The following FAM227B variants were observed in gnomAD, a reference collection of about 807,000 sequenced individuals.
FAM227B encodes protein FAM227B.
A neutral mutation model predicts 73.8 loss-of-function variants in FAM227B; 88 were observed. That is an observed-to-expected ratio of 1.19 (90% CI 1.00 to 1.42). The LOEUF (loss-of-function observed/expected upper bound fraction) is 1.42. Ranked by LOEUF, FAM227B falls within the 40% of genes most tolerant of loss-of-function variation. The pLI, the probability that FAM227B is intolerant of heterozygous loss-of-function variation, is 0.00. For synonymous variants in FAM227B, 210 were observed against 190.5 expected, an observed-to-expected ratio of 1.10 and a Z score of -0.84; for missense variants, 632 against 590.9, an observed-to-expected ratio of 1.07 and a Z score of -0.72.
intron 11 of FAM227B, among the ~76,000 whole-genome samples, chr15:49,477,895 G>A (rs1188682267): frequency 6.6e-6 from 1 of 152,114 alleles, no homozygotes; most frequent in Non-Finnish European, 1.5e-5. Context: ...GTATCTCATT[G>A]TTGTTTTAAT....
intron 11 of FAM227B, among the ~76,000 whole-genome samples, chr15:49,464,195 G>T (rs2054063168): frequency 6.6e-6 from 1 of 152,106 alleles, no homozygotes; most frequent in South Asian, 2.1e-4. Flanking sequence ...AATCTCCACA[G>T]AGTATGTGTA....
At chr15:49,570,860 TTAAA>T (rs2075046096) in intron 8 of FAM227B, among the ~76,000 whole-genome samples, 2 of 147,386 alleles carry the variant, frequency 1.4e-5, no homozygotes, top group South Asian at 2.1e-4. Flanking sequence ...TAAATATATA[TTAAA>T]TATTACATAT....
chr15:49,598,299 G>T (rs541265491), intron 3 of FAM227B, among the ~76,000 whole-genome samples: 1 of 151,934 alleles, frequency 6.6e-6, no homozygotes, highest in Admixed American at 6.6e-5. Context: ...ACTCATTTTT[G>T]AATGTTGATT....
intron 9 of FAM227B, 70 bp from the exon 10 acceptor site, chr15:49,541,876 AATT>A (rs1305364789): frequency 1.0e-4 from 119 of 1,143,062 alleles, no homozygotes; most frequent in South Asian, 2.9e-4. Context: ...CTGCCAAAGA[AATT>A]ATTATTTTTT....
At chr15:49,548,765 A>T (rs969530904) in intron 9 of FAM227B, among the ~76,000 whole-genome samples, 5 of 152,096 alleles carry the variant, frequency 3.3e-5, no homozygotes, top group African/African-American at 1.2e-4. Context: ...AATATTTAGA[A>T]ATCTGTCAAT....
intron 13 of FAM227B, among the ~76,000 whole-genome samples, chr15:49,355,222 G>A (rs556422918): frequency 7.9e-5 from 12 of 152,314 alleles, no homozygotes; most frequent in Admixed American, 4.6e-4. Flanking sequence ...CACCAGCAAA[G>A]GAACAAAGCT....
At chr15:49,348,371 G>A (rs980474731) in intron 13 of FAM227B, among the ~76,000 whole-genome samples, 8 of 151,968 alleles carry the variant, frequency 5.3e-5, no homozygotes, top group African/African-American at 1.7e-4. Flanking sequence ...GAATATCTAA[G>A]TCCTTCATAT....
chr15:49,422,353 A>G (rs1266006129), intron 11 of FAM227B: 3 of 236,856 alleles, frequency 1.3e-5, no homozygotes, highest in Non-Finnish European at 2.4e-5. Flanking sequence ...CTCATGCTGG[A>G]AAGTAAAATA....
intron 3 of FAM227B, 98 bp from the exon 4 acceptor site, chr15:49,590,105 C>A: frequency 1.5e-6 from 1 of 669,720 alleles, no homozygotes; most frequent in South Asian, 1.8e-5. Flanking sequence ...AGATTTTATT[C>A]CACAGCATTG....
chr15:49,327,776 A>T lies in FAM227B; in HGVS notation c.*792T>A, dbSNP rs1445011689. Reference sequence around the variant, plus strand: ...ATTTAGATACAATGAAAAAATTCCAAATCACTCTCTGAAACAGTATAAATG... The same window carrying T: ...ATTTAGATACAATGAAAAAATTCCATATCACTCTCTGAAACAGTATAAATG... On this transcript the variant is annotated 3_prime_UTR_variant, in exon 16 of 16. Coordinates refer to ENST00000299338, the MANE Select transcript of FAM227B (RefSeq NM_152647.3). The T allele has an allele frequency of 2.8e-5, 15 of 535,018 alleles. No homozygotes were observed. In the East Asian group the frequency reaches 4.7e-4, roughly 17 times the overall value. The allele number at this position is 535,018 out of a possible 1,614,324, so 33.1% of individuals were successfully genotyped here.
chr15:49,413,254 G>C (rs2048990125), intron 11 of FAM227B, among the ~76,000 whole-genome samples: 1 of 152,016 alleles, frequency 6.6e-6, no homozygotes, highest in Non-Finnish European at 1.5e-5. Flanking sequence ...TCATGGTAGT[G>C]AATAAGTCTT....
chr15:49,348,867 A>C (rs2041886511), intron 13 of FAM227B, among the ~76,000 whole-genome samples: 2 of 152,190 alleles, frequency 1.3e-5, no homozygotes. Context: ...TTCTTCTCTT[A>C]TTTGATACAA....
chr15:49,421,606 A>G (rs1215855104), intron 11 of FAM227B, among the ~76,000 whole-genome samples: 2 of 152,214 alleles, frequency 1.3e-5, no homozygotes, highest in African/African-American at 4.8e-5. Context: ...TGGACTTCTC[A>G]CTTACTGATT....
intron 9 of FAM227B, among the ~76,000 whole-genome samples, chr15:49,543,392 T>A (rs531529589): frequency 6.6e-6 from 1 of 152,340 alleles, no homozygotes; most frequent in East Asian, 1.9e-4. Flanking sequence ...GAGTTTCTTG[T>A]AGATTCTGGA....
intron 3 of FAM227B, 117 bp downstream of exon 3, chr15:49,611,098 T>C: frequency 1.6e-6 from 1 of 612,260 alleles, no homozygotes; most frequent in Non-Finnish European, 2.9e-6. Flanking sequence ...CACACTTTCC[T>C]CATTGAAACA....
intron 11 of FAM227B, chr15:49,485,065 T>C (rs1205757967): frequency 6.6e-6 from 1 of 152,012 alleles, no homozygotes; most frequent in African/African-American, 2.4e-5. Context: ...AAAACTATTA[T>C]GAAAGTCAAT....
At position 49,542,991 on chromosome 15, in the gene FAM227B, TATA is replaced by T. The variant is rs1174122641; in HGVS notation, c.748-1188_748-1186del. ...CATGCGTGTGCAAGTGACTTTTTCA[TATA>T]ATGTCTTCTTTTCCTCTGGGTAGAT... On this transcript the variant is annotated intron_variant, in intron 9 of 15. Coordinates refer to ENST00000299338, the MANE Select transcript of FAM227B (RefSeq NM_152647.3). Among the ~76,000 whole-genome samples the T allele has an allele frequency of 1.2e-4, 19 of 152,284 alleles. No individual in the cohort carries two copies. The South Asian group carries it at 3.7e-3, about 30-fold the overall frequency.
intron 11 of FAM227B, among the ~76,000 whole-genome samples, chr15:49,447,626 T>C (rs2052346778): frequency 6.6e-6 from 1 of 151,702 alleles, no homozygotes; most frequent in African/African-American, 2.4e-5. Flanking sequence ...CTGGTAAATT[T>C]ATGCAAATTG....
chr15:49,525,711 T>TACATAC (rs1453800028), intron 10 of FAM227B, among the ~76,000 whole-genome samples: 3 of 63,210 alleles, frequency 4.7e-5, no homozygotes, highest in African/African-American at 1.5e-4. Flanking sequence ...TATATATATA[T>TACATAC]ATATATATCA....
Sources: allele counts gnomAD v4.1 joint callset (sites outside exome capture counted in the v4.1 genomes callset), GRCh38; gene constraint gnomAD v4.1.1; transcripts MANE v1.5; gene names NCBI Gene and HGNC (gene_info 2026-07-23, HGNC 2026-07-21).